The following STAMBP variants were observed in gnomAD, a reference collection of about 807,000 sequenced individuals.
STAMBP encodes the protein STAM binding protein.
In STAMBP, 31 loss-of-function variants were observed where a neutral mutation model predicts 50.7. That is an observed-to-expected ratio of 0.61 (90% CI 0.46 to 0.83). The LOEUF is 0.83. STAMBP is among the 40% of genes least tolerant of loss of function. The pLI is 0.00. For synonymous variants in STAMBP, 211 were observed against 192.4 expected, an observed-to-expected ratio of 1.10 and a Z score of -0.80; for missense variants, 472 against 518.9, an observed-to-expected ratio of 0.91 and a Z score of 0.88.
In STAMBP at chr2:73,850,620, G is replaced by A; in HGVS notation, c.1005+107G>A. The A allele has an allele frequency of 7.8e-7, 1 of 1,287,740 alleles. No homozygotes were observed. Among genetic ancestry groups the A allele is most frequent in the Middle Eastern group, 1.9e-4 (1 of 5,138 alleles). The allele number at this position is 1,287,740 out of a possible 1,614,324, so 79.8% of individuals were successfully genotyped here. A position where few individuals can be genotyped will look rare whatever the true frequency, so the allele number is the denominator to read the frequency against. On this transcript the variant is annotated intron_variant, in intron 7 of 9. Coordinates refer to ENST00000394070, the MANE Select transcript of STAMBP (RefSeq NM_213622.4). This position sits in a 1 kb window ranked among gnomAD's most constrained non-coding sequence, Gnocchi z 4.3. ...GTCAATTATATCCAGATTATTTATT[G>A]TTTTTCTCTCTTTTGGATGCAGTCC...
chr2:73,868,106 A>C (rs139963416), downstream of STAMBP, among the ~76,000 whole-genome samples: 480 of 150,760 alleles, frequency 3.2e-3, 1 homozygote, highest in African/African-American at 0.011. Flanking sequence ...CCTGGGCAAC[A>C]AGAGCAAAAC....
intron 2 of STAMBP, among the ~76,000 whole-genome samples, chr2:73,839,139 G>A (rs1039576541): frequency 1.2e-4 from 18 of 152,260 alleles, no homozygotes; most frequent in African/African-American, 4.3e-4. Context: ...TTACTTCAGG[G>A]TTTTAAAAGG....
At chr2:73,853,701 A>G (rs974565511) in intron 7 of STAMBP, among the ~76,000 whole-genome samples, 6 of 152,314 alleles carry the variant, frequency 3.9e-5, no homozygotes, top group African/African-American at 1.2e-4. Context: ...CAGCCTGGGC[A>G]ACAGAGCGAG....
At chr2:73,845,105 T>C in intron 3 of STAMBP, 62 bp from the exon 4 acceptor site, 2 of 1,593,596 alleles carry the variant, frequency 1.3e-6, no homozygotes, top group South Asian at 2.3e-5. Context: ...GACTTAAGTC[T>C]TCTTTTGGAT....
Position 73,859,304 on chromosome 2 carries a change from C to A in STAMBP, c.1056C>A (p.His352Gln), listed in dbSNP as rs1412320289. The A allele has an allele frequency of 6.2e-7, 1 of 1,614,220 alleles. No homozygotes were observed. Among genetic ancestry groups the A allele is most frequent in the South Asian group, 1.1e-5 (1 of 91,088 alleles). Residue 352 changes from histidine (H) to glutamine (Q), a missense_variant, in exon 8 of 10, where the codon CAC becomes CAA. Physicochemically the swap from His to Gln is conservative, Grantham distance 24 (BLOSUM62 0). Coordinates refer to ENST00000394070, the MANE Select transcript of STAMBP (RefSeq NM_213622.4). ...AFLSSVDLHT[H>Q]CSYQMMLPES... ...TCTCCAGTGTCGACCTACACACTCA[C>A]TGCTCTTACCAGATGATGTTGCCAG...
intron 2 of STAMBP, among the ~76,000 whole-genome samples, chr2:73,840,893 TA>T (rs1450045421): frequency 6.6e-6 from 1 of 152,198 alleles, no homozygotes; most frequent in Admixed American, 6.5e-5. Context: ...GCTAACACTG[TA>T]TGGGTATCCC....
At chr2:73,833,748 G>A (rs945375375) in intron 2 of STAMBP, among the ~76,000 whole-genome samples, 3 of 152,128 alleles carry the variant, frequency 2.0e-5, no homozygotes, top group African/African-American at 7.2e-5. Flanking sequence ...GAGTATACCT[G>A]CTGTCTACAT....
chr2:73,850,282 T>C lies in STAMBP; in HGVS notation c.868-94T>C. The C allele has an allele frequency of 6.8e-7, 1 of 1,479,532 alleles. No homozygotes were observed. Among genetic ancestry groups the C allele is most frequent in the Non-Finnish European group, 9.0e-7 (1 of 1,105,764 alleles). The allele number at this position is 1,479,532 out of a possible 1,614,324, so 91.7% of individuals were successfully genotyped here. A position where few individuals can be genotyped will look rare whatever the true frequency, so the allele number is the denominator to read the frequency against. On this transcript the variant is annotated intron_variant, in intron 6 of 9. Coordinates refer to ENST00000394070, the MANE Select transcript of STAMBP (RefSeq NM_213622.4). The surrounding 1 kb of genome is among the most constrained non-coding windows in gnomAD (Gnocchi z 4.3). ...CTGCTGTGTGGGAAGGGCTTTCACT[T>C]GTATAGATGCTTACCTTTCCACTGT...
chr2:73,872,764 C>T (rs1467125109), intron 10 of STAMBP, among the ~76,000 whole-genome samples: 2 of 152,096 alleles, frequency 1.3e-5, no homozygotes, highest in African/African-American at 4.8e-5. Context: ...CTAGAAACCT[C>T]GTAGAAAGGA....
intron 7 of STAMBP, among the ~76,000 whole-genome samples, chr2:73,851,291 C>G (rs1676770960): frequency 1.3e-5 from 2 of 152,204 alleles, no homozygotes; most frequent in Non-Finnish European, 2.9e-5. Flanking sequence ...CATCCCACCC[C>G]CATTGTAGTA....
intron 7 of STAMBP, among the ~76,000 whole-genome samples, chr2:73,853,783 C>T (rs1345579036): frequency 1.3e-5 from 2 of 152,142 alleles, no homozygotes; most frequent in South Asian, 2.1e-4. Context: ...TATGTACATA[C>T]ACTACCTAGG....
rs953480708 is a variant in STAMBP, at chr2:73,829,063, C to A, written c.-460C>A. 8.5e-5 allele frequency: 13 copies of A among 152,364 alleles called. No individual in the cohort carries two copies. Among genetic ancestry groups the A allele is most frequent in the African/African-American group, 2.6e-4 (11 of 41,560 alleles). The allele number at this position is 152,364 out of a possible 1,614,324, so 9.4% of individuals were successfully genotyped here. On this transcript the variant is annotated 5_prime_UTR_variant, in exon 1 of 10. Transcript: ENST00000394070. Reference sequence around the variant, plus strand: ...AGCGTGGTTGGACTTTGAAGGGGATCGGCCGCCGTGAGTGTGGGGCCTGCA... The same window carrying A: ...AGCGTGGTTGGACTTTGAAGGGGATAGGCCGCCGTGAGTGTGGGGCCTGCA...
At chr2:73,830,651 T>A (rs115752470) in intron 1 of STAMBP, among the ~76,000 whole-genome samples, 194 bp from the exon 2 acceptor site, 314 of 152,374 alleles carry the variant, frequency 2.1e-3, no homozygotes, top group Non-Finnish European at 3.6e-3. Context: ...CTGCCAGTAC[T>A]CTCATCGTTG....
At chr2:73,832,736 C>A (rs1417484741) in intron 2 of STAMBP, among the ~76,000 whole-genome samples, 1 of 152,156 alleles carries the variant, frequency 6.6e-6, no homozygotes, top group Non-Finnish European at 1.5e-5. Flanking sequence ...GGTTTCTGCT[C>A]ACCAGATGCC....
At chr2:73,859,106 C>G in intron 7 of STAMBP, 148 bp from the exon 8 acceptor site, 1 of 611,194 alleles carries the variant, frequency 1.6e-6, no homozygotes, top group Non-Finnish European at 3.0e-6. Context: ...TGAAGATGAT[C>G]TCTCTTTCTC....
rs146518099 is a variant in STAMBP at position 73,863,363 on chromosome 2, A to G, written c.*1104A>G. 1.3e-5 allele frequency: 2 copies of G among 152,304 alleles called. No homozygotes were observed. The highest frequency in any genetic ancestry group is 3.9e-4 in the East Asian group (2 of 5,186). 9.4% of individuals were successfully genotyped at this position (152,304 alleles called of 1,614,324 possible). A position where few individuals can be genotyped will look rare whatever the true frequency, so the allele number is the denominator to read the frequency against. ...TAGGTGGCCTAGAAATAATGGTGTC[A>G]TTTGTGACACCTCGAGTGAGGGCAG... On this transcript the variant is annotated 3_prime_UTR_variant, in exon 10 of 10. Transcript: ENST00000394070.
chr2:73,868,142 C>T (rs1679039610), downstream of STAMBP, among the ~76,000 whole-genome samples: 1 of 149,008 alleles, frequency 6.7e-6, no homozygotes, highest in African/African-American at 2.5e-5. Context: ...AAAAAAAAAC[C>T]CAGAAATTAA....
downstream of STAMBP, among the ~76,000 whole-genome samples, chr2:73,871,730 TAGA>T (rs1397429905): frequency 6.6e-6 from 1 of 152,130 alleles, no homozygotes; most frequent in Non-Finnish European, 1.5e-5. Flanking sequence ...CTTTGACAGC[TAGA>T]AGGTTATAGC....
Position 73,834,224 on chromosome 2 carries a change from AAAAAAAAAAAAAATATATATATATATAT to A in STAMBP, c.203+3167_203+3194del, listed in dbSNP as rs1223054864. On this transcript the variant is annotated intron_variant, in intron 2 of 9. Coordinates refer to ENST00000394070, the MANE Select transcript of STAMBP (RefSeq NM_213622.4). The stretch of plus-strand genomic sequence containing the variant: ...GATCATGTCTTAAAAAAAAAAAAAA[AAAAAAAAAAAAAATATATATATATATAT>A]ATATATATATATATATATATATATA... Among the ~76,000 whole-genome samples, 169 of 25,476 alleles carry A rather than the reference AAAAAAAAAAAAAATATATATATATATAT, an allele frequency of 6.6e-3. 5 individuals carry two copies. The highest frequency in any genetic ancestry group is 0.019 in the African/African-American group (167 of 8,606). The allele number at this position is 25,476 out of a possible 152,430, so 16.7% of individuals were successfully genotyped here. A position where few individuals can be genotyped will look rare whatever the true frequency, so the allele number is the denominator to read the frequency against.
Sources: gnomAD v4.1 joint callset for allele counts (sites outside exome capture counted in the v4.1 genomes callset) on GRCh38, gnomAD v4.1.1 for gene constraint, Gnocchi (gnomAD v3.1) non-coding constraint, MANE v1.5 for transcripts, NCBI Gene and HGNC (gene_info 2026-07-23, HGNC 2026-07-21) for gene names.